TMEM272: variants seen among roughly 807,000 people sequenced by gnomAD.
TMEM272 encodes transmembrane protein 272, also known as long intergenic non-protein coding RNA 282.
A neutral mutation model predicts 3.7 loss-of-function variants in TMEM272; 8 were observed. That is an observed-to-expected ratio of 2.17 (90% CI 1.27 to 3.91). The LOEUF is 3.91. TMEM272 is among the 30% of genes most tolerant of loss of function. TMEM272 has a pLI of 0.00. For missense variants in TMEM272, 166 were observed against 91.5 expected (o/e 1.81, Z -3.32); for synonymous variants, 63 against 39.8 (o/e 1.58, Z -2.20).
chr13:51,838,818 G>T (rs972895187), intron 1 of TMEM272, among the ~76,000 whole-genome samples: 1 of 152,170 alleles, frequency 6.6e-6, no homozygotes, highest in Admixed American at 6.5e-5. Flanking sequence ...AGGCCTGGAG[G>T]GGGAGATGGT....
chr13:51,825,457 G>A (rs1253366580), intron 3 of TMEM272, among the ~76,000 whole-genome samples: 2 of 152,110 alleles, frequency 1.3e-5, no homozygotes, highest in Non-Finnish European at 2.9e-5. Flanking sequence ...CATCTAGTTC[G>A]AAAACATTTT....
chr13:51,917,000 CGGA>C, the TMEM272 span, among the ~76,000 whole-genome samples: 1 of 152,184 alleles, frequency 6.6e-6, no homozygotes, highest in African/African-American at 2.4e-5. Context: ...TTCCCTTATG[CGGA>C]GGAGGACAAG....
the TMEM272 span, among the ~76,000 whole-genome samples, chr13:51,876,081 T>C: frequency 6.6e-6 from 1 of 152,128 alleles, no homozygotes; most frequent in South Asian, 2.1e-4. Context: ...CCCTGTGCCC[T>C]CCCTCCAGTT....
At chr13:51,909,826 TC>T in the TMEM272 span, 1 of 1,589,504 alleles carries the variant, frequency 6.3e-7, no homozygotes, top group African/African-American at 1.3e-5. Context: ...TCAGTCAGAG[TC>T]TCGATGTGAT....
chr13:51,863,665 G>A, the TMEM272 span, among the ~76,000 whole-genome samples: 538 of 103,848 alleles, frequency 5.2e-3, 3 homozygotes, highest in African/African-American at 0.023. Context: ...ATATGCACGC[G>A]CACACAGACA....
At chr13:51,849,596 T>C (rs1014796615), upstream of TMEM272, among the ~76,000 whole-genome samples, 7 of 152,230 alleles carry the variant, frequency 4.6e-5, no homozygotes, top group African/African-American at 1.7e-4. Context: ...TTGTCCAACA[T>C]GCTCCAGAAA....
At chr13:51,929,347 G>C in the TMEM272 span, among the ~76,000 whole-genome samples, 3 of 152,198 alleles carry the variant, frequency 2.0e-5, no homozygotes, top group Non-Finnish European at 4.4e-5. Flanking sequence ...TGCTAGTACA[G>C]GTGTTGCATA....
At chr13:51,871,914 T>C in the TMEM272 span, among the ~76,000 whole-genome samples, 3 of 151,416 alleles carry the variant, frequency 2.0e-5, no homozygotes, top group Admixed American at 1.3e-4. Flanking sequence ...CAGCCAAACT[T>C]GTCCCTTCTA....
the TMEM272 span, among the ~76,000 whole-genome samples, chr13:51,889,220 T>C: frequency 2.6e-3 from 398 of 152,370 alleles, 2 homozygotes; most frequent in African/African-American, 9.3e-3. Context: ...AAATTGCTTT[T>C]CTAAAAGGCT....
chr13:51,851,266 G>A, the TMEM272 span, among the ~76,000 whole-genome samples: 30 of 151,920 alleles, frequency 2.0e-4, no homozygotes, highest in East Asian at 5.6e-3. Context: ...CCTGAGATGT[G>A]GAAGGTGCAG....
At chr13:51,868,622 A>C in the TMEM272 span, among the ~76,000 whole-genome samples, 5 of 152,224 alleles carry the variant, frequency 3.3e-5, no homozygotes, top group Admixed American at 2.6e-4. Flanking sequence ...TCCCTTAGCC[A>C]GCACCTGTGA....
intron 1 of TMEM272, among the ~76,000 whole-genome samples, chr13:51,841,335 T>C (rs1956262104): frequency 6.6e-6 from 1 of 152,218 alleles, no homozygotes; most frequent in Non-Finnish European, 1.5e-5. Flanking sequence ...ACAAGAGCCA[T>C]CTCTTTACAC....
At chr13:51,923,524 G>A in the TMEM272 span, among the ~76,000 whole-genome samples, 10 of 152,182 alleles carry the variant, frequency 6.6e-5, no homozygotes, top group Non-Finnish European at 1.2e-4. Context: ...ACATCTCACA[G>A]TGGAAAGTGC....
the TMEM272 span, chr13:51,865,612 T>C: frequency 6.2e-7 from 1 of 1,614,094 alleles, no homozygotes. Flanking sequence ...AGATCCATGC[T>C]TTCCGGGGCC....
At chr13:51,856,184 G>C in the TMEM272 span, among the ~76,000 whole-genome samples, 3 of 152,152 alleles carry the variant, frequency 2.0e-5, no homozygotes, top group African/African-American at 7.2e-5. Context: ...CACAGGACTG[G>C]CTGAGTTATA....
the TMEM272 span, among the ~76,000 whole-genome samples, chr13:51,879,091 C>T: frequency 6.6e-6 from 1 of 152,162 alleles, no homozygotes; most frequent in African/African-American, 2.4e-5. Flanking sequence ...CCACTTTGGT[C>T]AATGGGAACG....
chr13:51,825,752 C>T (rs1049974792), intron 3 of TMEM272, among the ~76,000 whole-genome samples: 3 of 151,676 alleles, frequency 2.0e-5, no homozygotes, highest in African/African-American at 7.3e-5. Context: ...CACGCAACCA[C>T]ACCCAGCTAA....
At chr13:51,896,566 A>G in the TMEM272 span, among the ~76,000 whole-genome samples, 2 of 152,152 alleles carry the variant, frequency 1.3e-5, no homozygotes, top group African/African-American at 2.4e-5. Context: ...CACATGCCCC[A>G]TGCACCCAGC....
chr13:51,929,627 G>A, the TMEM272 span, among the ~76,000 whole-genome samples: 1 of 152,246 alleles, frequency 6.6e-6, no homozygotes, highest in Non-Finnish European at 1.5e-5. Flanking sequence ...CCTAAGGAAA[G>A]CACCAGCATT....
Sources: gnomAD v4.1 joint callset for allele counts (sites outside exome capture counted in the v4.1 genomes callset) on GRCh38, gnomAD v4.1.1 for gene constraint, MANE v1.5 for transcripts, NCBI Gene and HGNC (gene_info 2026-07-23, HGNC 2026-07-21) for gene names.